Variants in LGR6 observed in about 807,000 individuals in gnomAD.
LGR6 encodes the protein leucine rich repeat containing G protein-coupled receptor 6, also known as leucine-rich repeat-containing G protein-coupled receptor 6.
In LGR6, 45 loss-of-function variants were observed where a neutral mutation model predicts 69.4. That is an observed-to-expected ratio of 0.65 (90% CI 0.51 to 0.83). The LOEUF is 0.83. LGR6 is among the 40% of genes least tolerant of loss of function. The pLI is 0.00. For missense variants in LGR6, 1,108 were observed against 1,246.7 expected, an observed-to-expected ratio of 0.89 and a Z score of 1.68; for synonymous variants, 538 against 555.0, an observed-to-expected ratio of 0.97 and a Z score of 0.43.
Position 202,206,724 on chromosome 1 carries a change from GT to G in LGR6, c.212+12530del, listed in dbSNP as rs568387338. Among the ~76,000 whole-genome samples the G allele has an allele frequency of 9.2e-5, 14 of 151,884 alleles. No homozygotes were observed. In the South Asian group the frequency reaches 2.9e-3, roughly 32 times the overall value. On this transcript the variant is annotated intron_variant, in intron 1 of 17. Transcript: ENST00000367278. ...ACCACCACAACCAGCTAATTTTTAA[GT>G]TTTTTTAAAATTAAAAAACTTAAAA...
intron 6 of LGR6, among the ~76,000 whole-genome samples, chr1:202,296,695 A>G (rs1448006432): frequency 6.6e-6 from 1 of 152,234 alleles, no homozygotes; most frequent in Non-Finnish European, 1.5e-5. Flanking sequence ...AGCTGTGGTC[A>G]CTTATGGGTC....
chr1:202,310,211 C>T lies in LGR6; in HGVS notation c.1421C>T (p.Pro474Leu). 1 of 1,614,016 alleles carries T rather than the reference C, an allele frequency of 6.2e-7. No individual in the cohort carries two copies. Residue 474 changes from proline to leucine, a missense_variant, in exon 16 of 18, where the codon CCT becomes CTT. Transcript: ENST00000367278. ...TCCCCCACCAGGATCCTGGAGGTGCCTTATGCCTACCAGTGCTGTCCCTAT... is the reference window on the plus strand; with the variant it reads ...TCCCCCACCAGGATCCTGGAGGTGCTTTATGCCTACCAGTGCTGTCCCTAT... ...SFPKLRILEV[P>L]YAYQCCPYGM...
chr1:202,288,065 G>A (rs995328594), intron 6 of LGR6, among the ~76,000 whole-genome samples: 2 of 151,462 alleles, frequency 1.3e-5, no homozygotes, highest in Non-Finnish European at 2.9e-5. Context: ...GCCCCTTGCC[G>A]CCTCTCTGGT....
At chr1:202,307,526 C>G in intron 14 of LGR6, 125 bp downstream of exon 14, 1 of 748,410 alleles carries the variant, frequency 1.3e-6, no homozygotes, top group Non-Finnish European at 2.3e-6. Context: ...GGGCCTCAGC[C>G]TAATCAATCA....
Position 202,227,921 on chromosome 1 carries a change from G to A in LGR6, c.285-15G>A. The A allele has an allele frequency of 6.2e-7, 1 of 1,608,114 alleles. No homozygotes were observed. The highest frequency in any genetic ancestry group is 8.5e-7 in the Non-Finnish European group (1 of 1,174,554). The stretch of plus-strand genomic sequence containing the variant: ...TTACCTGCCAACATCGCTGACCCTT[G>A]TCTCTGATTTCCAGGCGTCTCTCTG... On this transcript the variant is annotated splice_polypyrimidine_tract_variant and intron_variant, in intron 2 of 17. Coordinates refer to ENST00000367278, the MANE Select transcript of LGR6 (RefSeq NM_001017403.2).
intron 1 of LGR6, among the ~76,000 whole-genome samples, chr1:202,204,329 AACACACACACCTCCAC>A (rs1398607537): frequency 5.1e-4 from 55 of 107,140 alleles, no homozygotes; most frequent in African/African-American, 1.8e-3. Context: ...ACCTCCTCCT[AACACACACACCTCCAC>A]ACACACACAC....
chr1:202,303,109 T>G (rs1225286370), intron 9 of LGR6, among the ~76,000 whole-genome samples, 170 bp from the exon 10 acceptor site: 1 of 152,158 alleles, frequency 6.6e-6, no homozygotes, highest in Admixed American at 6.5e-5. Flanking sequence ...CTGCTAAGTA[T>G]GGCTCAGCCT....
intron 11 of LGR6, 82 bp from the exon 12 acceptor site, chr1:202,305,602 T>G: frequency 8.3e-7 from 1 of 1,203,182 alleles, no homozygotes; most frequent in Non-Finnish European, 1.2e-6. Flanking sequence ...GAAAGCACAG[T>G]CCTGGCTAGA....
At position 202,318,418 on chromosome 1, in the gene LGR6, G is replaced by A; in HGVS notation, c.2115G>A (p.Leu705=). The change falls in exon 18 of 18, where the codon CTG becomes CTA. Residue 705 remains leucine (L), a synonymous_variant. Transcript: ENST00000367278. ...ALAGLAAALP[L]ASVGEYGASP... ...CAGGGCTGGCCGCCGCGCTGCCCCT[G>A]GCCTCAGTGGGAGAATACGGGGCCT... 6.2e-7 allele frequency: 1 copy of A among 1,610,174 alleles called. No individual in the cohort carries two copies. The highest frequency in any genetic ancestry group is 8.5e-7 in the Non-Finnish European group (1 of 1,178,336).
intron 7 of LGR6, among the ~76,000 whole-genome samples, chr1:202,300,239 G>A (rs1243983088): frequency 1.3e-5 from 2 of 152,186 alleles, no homozygotes; most frequent in African/African-American, 4.8e-5. Context: ...TCCCTTCCTG[G>A]GGTCTGAACT....
intron 15 of LGR6, 76 bp downstream of exon 15, chr1:202,309,252 C>G: frequency 6.4e-7 from 1 of 1,555,542 alleles, no homozygotes; most frequent in Non-Finnish European, 8.8e-7. Context: ...AGCCAGATGG[C>G]CCCACCCTGA....
At chr1:202,281,806 A>G (rs912721826) in intron 6 of LGR6, among the ~76,000 whole-genome samples, 1 of 147,986 alleles carries the variant, frequency 6.8e-6, no homozygotes, top group Non-Finnish European at 1.5e-5. Flanking sequence ...CCCCTCCCAC[A>G]TATACCCCAG....
rs528061474 is a variant in LGR6, at chr1:202,309,393, C to T, written c.1406+217C>T. Among the ~76,000 whole-genome samples, 3 of 152,356 alleles carry T rather than the reference C, an allele frequency of 2.0e-5. No homozygotes were observed. In the South Asian group the frequency reaches 6.2e-4, roughly 32 times the overall value. On this transcript the variant is annotated intron_variant, in intron 15 of 17. Coordinates refer to ENST00000367278, the MANE Select transcript of LGR6 (RefSeq NM_001017403.2). ...TCCTTGGTGGCATTTTCCCCTGTCC[C>T]AAGCTCCAACGCTAGTGAGCACTGG...
chr1:202,252,314 C>T (rs1312756363), intron 4 of LGR6, among the ~76,000 whole-genome samples: 1 of 152,180 alleles, frequency 6.6e-6, no homozygotes, highest in Non-Finnish European at 1.5e-5. Flanking sequence ...CTTGACTATA[C>T]TGCCTGCATC....
chr1:202,298,203 G>A (rs182211158), intron 7 of LGR6, among the ~76,000 whole-genome samples: 175 of 152,308 alleles, frequency 1.1e-3, no homozygotes, highest in Non-Finnish European at 1.9e-3. Flanking sequence ...AACTTGCAGA[G>A]TATTAGCTAA....
rs552711733 is a variant in LGR6 at position 202,319,261 on chromosome 1, G to A, written c.*54G>A. The stretch of plus-strand genomic sequence containing the variant: ...CTCTTCCCTTTCCTCTCTCCCCCTC[G>A]GTGAATGATGGCTGCTTCTAAAACA... On this transcript the variant is annotated 3_prime_UTR_variant, in exon 18 of 18. Transcript: ENST00000367278. 13 of 1,477,922 alleles carry A rather than the reference G, an allele frequency of 8.8e-6. No individual in the cohort carries two copies. The South Asian group carries it at 1.1e-4, about 13-fold the overall frequency. 91.6% of individuals were successfully genotyped at this position (1,477,922 alleles called of 1,614,324 possible).
chr1:202,252,262 T>G (rs1477793405), intron 4 of LGR6, among the ~76,000 whole-genome samples: 1 of 152,138 alleles, frequency 6.6e-6, no homozygotes, highest in Non-Finnish European at 1.5e-5. Context: ...GCTTAAGCTG[T>G]TTCTCAGACT....
At chr1:202,253,177 C>T (rs975366765) in intron 4 of LGR6, among the ~76,000 whole-genome samples, 4 of 152,184 alleles carry the variant, frequency 2.6e-5, no homozygotes, top group African/African-American at 9.7e-5. Context: ...CATTCTGAGC[C>T]TCAGTTTTGT....
chr1:202,220,278 C>A (rs1660060660), intron 1 of LGR6, among the ~76,000 whole-genome samples: 1 of 151,922 alleles, frequency 6.6e-6, no homozygotes, highest in South Asian at 2.1e-4. Context: ...AGTGCAGTGG[C>A]ATGATCTTGG....
Sources: allele counts gnomAD v4.1 joint callset (sites outside exome capture counted in the v4.1 genomes callset), GRCh38; gene constraint gnomAD v4.1.1; transcripts MANE v1.5; gene names NCBI Gene and HGNC (gene_info 2026-07-23, HGNC 2026-07-21).